ZNF831: variants seen among roughly 807,000 people sequenced by gnomAD.
ZNF831 encodes the protein zinc finger protein 831.
ZNF831 carries 59 observed loss-of-function variants against 95.8 expected under a neutral mutation model. That is an observed-to-expected ratio of 0.62 (90% CI 0.50 to 0.77). The LOEUF (loss-of-function observed/expected upper bound fraction) is 0.77. ZNF831 is among the 30% of genes least tolerant of loss of function. ZNF831 has a pLI of 0.00. For synonymous variants in ZNF831, 961 were observed against 925.5 expected (o/e 1.04, Z -0.70); for missense variants, 2,205 against 2,164.0 (o/e 1.02, Z -0.38).
Position 59,255,694 on chromosome 20 carries a change from G to A in ZNF831, c.*951G>A, listed in dbSNP as rs879766053. 5 of 152,158 alleles carry A rather than the reference G, an allele frequency of 3.3e-5. No individual in the cohort carries two copies. The highest frequency in any genetic ancestry group is 2.0e-4 in the Admixed American group (3 of 15,274). The allele number at this position is 152,158 out of a possible 1,614,324, so 9.4% of individuals were successfully genotyped here. A position where few individuals can be genotyped will look rare whatever the true frequency, so the allele number is the denominator to read the frequency against. ...TCAACTGATGCCTGCTCGTCGTGAC[G>A]GGAGCCTTTTAGATTTCCTTCAGAA... On this transcript the variant is annotated 3_prime_UTR_variant, in exon 6 of 6. Transcript: ENST00000371030.
intron 1 of ZNF831, among the ~76,000 whole-genome samples, chr20:59,167,828 C>G (rs1254986938): frequency 6.6e-6 from 1 of 151,684 alleles, no homozygotes; most frequent in Non-Finnish European, 1.5e-5. Context: ...GAGCTGAGAT[C>G]GTGCCACTGC....
chr20:59,197,770 G>A (rs1409805157), intron 3 of ZNF831, among the ~76,000 whole-genome samples: 4 of 152,344 alleles, frequency 2.6e-5, no homozygotes, highest in South Asian at 4.1e-4. Context: ...ACTTGGTGGT[G>A]TGGGAAGGAC....
rs759620496 is a variant in ZNF831, at chr20:59,252,970, C to T, written c.4028-8C>T. 1 of 1,612,694 alleles carries T rather than the reference C, an allele frequency of 6.2e-7. No individual in the cohort carries two copies. Among genetic ancestry groups the T allele is most frequent in the South Asian group, 1.1e-5 (1 of 90,868 alleles). ...CAGTCATATGTAAATGTGCCTCTCC[C>T]CTTGCAGGTCTGAATCTGCAAGAGG... is the stretch of plus-strand genomic sequence containing the variant. On this transcript the variant is annotated splice_polypyrimidine_tract_variant and splice_region_variant and intron_variant, in intron 4 of 5. Coordinates refer to ENST00000371030, the MANE Select transcript of ZNF831 (RefSeq NM_178457.3).
intron 2 of ZNF831, among the ~76,000 whole-genome samples, chr20:59,148,715 AAAAAAAAAAG>A (rs1980038514): frequency 8.8e-6 from 1 of 113,542 alleles, no homozygotes. Context: ...AAAAAAAAAA[AAAAAAAAAAG>A]AACAGAGCGT....
intron 1 of ZNF831, among the ~76,000 whole-genome samples, chr20:59,136,826 T>A (rs1343953517): frequency 6.6e-6 from 1 of 152,228 alleles, no homozygotes; most frequent in East Asian, 1.9e-4. Flanking sequence ...GGCACGTGGT[T>A]ACCCGGAATA....
chr20:59,173,535 C>A (rs1981906913), intron 1 of ZNF831, among the ~76,000 whole-genome samples: 1 of 152,208 alleles, frequency 6.6e-6, no homozygotes, highest in African/African-American at 2.4e-5. Context: ...ACAGCAGGAG[C>A]AGAAGCCACT....
rs748774051 is a variant in ZNF831 at position 59,193,759 on chromosome 20, G to A, written c.2740G>A (p.Ala914Thr). 69 of 1,608,146 alleles carry A rather than the reference G, an allele frequency of 4.3e-5. No homozygotes were observed. The Admixed American group carries it at 9.9e-4, about 23-fold the overall frequency. ...TPLHPAAPAP[A>T]EHPSLATPPQ... ...ACTGCATCCTGCAGCCCCAGCCCCCGCAGAGCACCCCTCGCTGGCCACCCC... is the reference window on the plus strand; with the variant it reads ...ACTGCATCCTGCAGCCCCAGCCCCCACAGAGCACCCCTCGCTGGCCACCCC... Residue 914 changes from alanine to threonine, a missense_variant, in exon 2 of 6, where the codon GCA (alanine) becomes ACA (threonine). By Grantham distance (58) the Ala-to-Thr change is moderately conservative. Transcript: ENST00000371030.
chr20:59,189,336 G>GT (rs1441013145), intron 1 of ZNF831, among the ~76,000 whole-genome samples: 1 of 152,040 alleles, frequency 6.6e-6, no homozygotes, highest in African/African-American at 2.4e-5. Flanking sequence ...TCATTTATTT[G>GT]TTTTTAACAT....
chr20:59,215,250 C>G (rs530347161), intron 4 of ZNF831, among the ~76,000 whole-genome samples: 1 of 152,186 alleles, frequency 6.6e-6, no homozygotes, highest in African/African-American at 2.4e-5. Context: ...CATTGGAAGT[C>G]GTGCCGCTTC....
intron 3 of ZNF831, among the ~76,000 whole-genome samples, chr20:59,201,294 T>C (rs937532624): frequency 6.6e-6 from 1 of 152,220 alleles, no homozygotes; most frequent in Non-Finnish European, 1.5e-5. Flanking sequence ...TCTGGCGAAG[T>C]GTCTCTTCAA....
intron 1 of ZNF831, among the ~76,000 whole-genome samples, chr20:59,181,138 T>G (rs953880057): frequency 6.6e-6 from 1 of 152,260 alleles, no homozygotes; most frequent in Non-Finnish European, 1.5e-5. Context: ...ATGATGATCT[T>G]TTTTTCATAT....
intron 1 of ZNF831, among the ~76,000 whole-genome samples, chr20:59,144,572 A>G (rs1382757673): frequency 6.6e-6 from 1 of 152,050 alleles, no homozygotes; most frequent in Non-Finnish European, 1.5e-5. Flanking sequence ...GACTTAACCC[A>G]TTTTCATATG....
chr20:59,142,013 G>A (rs923390423), intron 1 of ZNF831, among the ~76,000 whole-genome samples: 14 of 152,258 alleles, frequency 9.2e-5, no homozygotes, highest in East Asian at 3.9e-4. Flanking sequence ...GCCTCATTCC[G>A]AGCTGGCTTA....
In ZNF831 at chr20:59,255,034, T is replaced by C; in HGVS notation, c.*291T>C. ...GGTCAACGTGCACAGTGACTGGGCC[T>C]TGACTCCCAGCCTCGTCTTCTGCAC... On this transcript the variant is annotated 3_prime_UTR_variant, in exon 6 of 6. Coordinates refer to ENST00000371030, the MANE Select transcript of ZNF831 (RefSeq NM_178457.3). The C allele has an allele frequency of 3.4e-6, 1 of 293,240 alleles. No individual in the cohort carries two copies. The highest frequency in any genetic ancestry group is 6.4e-6 in the Non-Finnish European group (1 of 156,156). 18.2% of individuals were successfully genotyped at this position (293,240 alleles called of 1,614,324 possible).
intron 1 of ZNF831, among the ~76,000 whole-genome samples, chr20:59,141,340 T>C (rs192850467): frequency 6.6e-6 from 1 of 152,224 alleles, no homozygotes; most frequent in Admixed American, 6.5e-5. Context: ...AGTTTTATAG[T>C]TTTACATGTA....
At chr20:59,151,956 A>T (rs540984055) in intron 2 of ZNF831, among the ~76,000 whole-genome samples, 223 of 152,306 alleles carry the variant, frequency 1.5e-3, no homozygotes, top group African/African-American at 5.1e-3. Context: ...ATATAGCCTC[A>T]GCCACAGGTT....
chr20:59,254,934 C>T lies in ZNF831; in HGVS notation c.*191C>T. The T allele has an allele frequency of 1.5e-6, 1 of 686,778 alleles. No individual in the cohort carries two copies. The highest frequency in any genetic ancestry group is 2.4e-6 in the Non-Finnish European group (1 of 423,886). 42.5% of individuals were successfully genotyped at this position (686,778 alleles called of 1,614,324 possible). ...ACTCAGCCGCAGCGTTCCCCAGCTC[C>T]CCTTGGGAGTGCTCTGCTCATCTTC... On this transcript the variant is annotated 3_prime_UTR_variant, in exon 6 of 6. Transcript: ENST00000371030. The surrounding 1 kb of genome is among the most constrained non-coding windows in gnomAD (Gnocchi z 4.5).
chr20:59,168,134 C>A (rs569164255), intron 1 of ZNF831, among the ~76,000 whole-genome samples: 53 of 152,248 alleles, frequency 3.5e-4, no homozygotes, highest in African/African-American at 1.3e-3. Context: ...AAATATCTTA[C>A]TAGGGTTTTG....
intron 1 of ZNF831, among the ~76,000 whole-genome samples, chr20:59,137,162 GC>G (rs1358922144): frequency 2.0e-5 from 3 of 152,182 alleles, no homozygotes; most frequent in Non-Finnish European, 4.4e-5. Context: ...TCTTGCTTAA[GC>G]CACTGTTATT....
Sources: gnomAD v4.1 joint callset for allele counts (sites outside exome capture counted in the v4.1 genomes callset) on GRCh38, gnomAD v4.1.1 for gene constraint, Gnocchi (gnomAD v3.1) non-coding constraint, MANE v1.5 for transcripts, NCBI Gene and HGNC (gene_info 2026-07-23, HGNC 2026-07-21) for gene names.